Variants in RRAGD observed in about 807,000 individuals in gnomAD.
RRAGD encodes ras-related GTP-binding protein D.
In RRAGD, 12 loss-of-function variants were observed where a neutral mutation model predicts 35.5. That is an observed-to-expected ratio of 0.34 (90% CI 0.22 to 0.55). The LOEUF is 0.55. RRAGD is among the 20% of genes least tolerant of loss of function. RRAGD has a pLI of 0.91. For missense variants in RRAGD, 324 were observed against 490.1 expected (o/e 0.66, Z 3.20); for synonymous variants, 155 against 178.9 (o/e 0.87, Z 1.07).
chr6:89,374,170 T>C (rs543979741), intron 5 of RRAGD, among the ~76,000 whole-genome samples: 70 of 152,326 alleles, frequency 4.6e-4, no homozygotes, highest in Admixed American at 2.0e-3. Context: ...TTATCCTCTG[T>C]CTGCTATAAG....
chr6:89,410,852 A>T (rs1324606745), intron 1 of RRAGD, among the ~76,000 whole-genome samples: 2 of 152,214 alleles, frequency 1.3e-5, no homozygotes, highest in South Asian at 4.1e-4. Flanking sequence ...TCTCTCACAC[A>T]ATTTCTTCAG....
chr6:89,380,084 G>T, intron 3 of RRAGD, 84 bp downstream of exon 3: 1 of 1,234,766 alleles, frequency 8.1e-7, no homozygotes, highest in Non-Finnish European at 1.2e-6. Context: ...TACTGCCCAT[G>T]CCAAGCCAAT....
chr6:89,411,481 C>A lies in RRAGD; in HGVS notation c.148+365G>T. 1 of 235,736 alleles carries A rather than the reference C, an allele frequency of 4.2e-6. No homozygotes were observed. Among genetic ancestry groups the A allele is most frequent in the South Asian group, 6.8e-5 (1 of 14,728 alleles). The allele number at this position is 235,736 out of a possible 1,614,324, so 14.6% of individuals were successfully genotyped here. On this transcript the variant is annotated intron_variant, in intron 1 of 6. Coordinates refer to ENST00000369415, the MANE Select transcript of RRAGD (RefSeq NM_021244.5). This position sits in a 1 kb window ranked among gnomAD's most constrained non-coding sequence, Gnocchi z 5.6. ...CAGCACCGTTCTGGGAGAGAGGTCC[C>A]AGGGCGCGCCCGCGGTCCCCTCCCC... is the stretch of plus-strand genomic sequence containing the variant.
intron 2 of RRAGD, among the ~76,000 whole-genome samples, chr6:89,386,511 G>A (rs1468993799): frequency 6.6e-6 from 1 of 152,184 alleles, no homozygotes; most frequent in Non-Finnish European, 1.5e-5. Context: ...AAAGTGAAAG[G>A]AGAACCTACT....
intron 5 of RRAGD, 66 bp from the exon 6 acceptor site, chr6:89,372,651 CAA>C: frequency 6.8e-7 from 1 of 1,462,400 alleles, no homozygotes; most frequent in East Asian, 2.4e-5. Context: ...AAGCCAGTGA[CAA>C]GAGACCGGCT....
intron 1 of RRAGD, among the ~76,000 whole-genome samples, chr6:89,399,794 A>G (rs1374871649): frequency 7.2e-6 from 1 of 138,642 alleles, no homozygotes; most frequent in Non-Finnish European, 1.5e-5. Flanking sequence ...TGTAGAGACG[A>G]GGTCTCCCTA....
At chr6:89,373,830 T>C (rs1373546388) in intron 5 of RRAGD, among the ~76,000 whole-genome samples, 2 of 152,348 alleles carry the variant, frequency 1.3e-5, no homozygotes, top group East Asian at 3.9e-4. Flanking sequence ...AAATAATGCA[T>C]ATGTAGCACT....
chr6:89,403,394 G>C (rs571847202), intron 1 of RRAGD, among the ~76,000 whole-genome samples: 1 of 151,968 alleles, frequency 6.6e-6, no homozygotes, highest in African/African-American at 2.4e-5. Flanking sequence ...GCAGTGAGCA[G>C]AGATCGCGCC....
At position 89,374,654 on chromosome 6, in the gene RRAGD, C is replaced by T. The variant is rs535407625; in HGVS notation, c.903-2069G>A. On this transcript the variant is annotated intron_variant, in intron 5 of 6. Transcript: ENST00000369415. The stretch of plus-strand genomic sequence containing the variant: ...CTGAGGGAGGAGAATCACTTGAACC[C>T]GGGAGGCGGGGGTTGCAGTGAGCCG... Among the ~76,000 whole-genome samples the T allele has an allele frequency of 2.0e-5, 3 of 151,658 alleles. No homozygotes were observed. The South Asian group carries it at 6.2e-4, about 31-fold the overall frequency.
chr6:89,367,968 A>C lies in RRAGD; in HGVS notation c.*88T>G. On this transcript the variant is annotated 3_prime_UTR_variant, in exon 7 of 7. Coordinates refer to ENST00000369415, the MANE Select transcript of RRAGD (RefSeq NM_021244.5). The stretch of plus-strand genomic sequence containing the variant: ...CAACAAATCAATGGTATGTGTCCCA[A>C]TCTCCTTCTTCCTCTTCCTTTAGTG... The C allele has an allele frequency of 2.6e-6, 3 of 1,172,534 alleles. No homozygotes were observed. The highest frequency in any genetic ancestry group is 3.5e-6 in the Non-Finnish European group (3 of 854,188). The allele number at this position is 1,172,534 out of a possible 1,614,324, so 72.6% of individuals were successfully genotyped here.
intron 6 of RRAGD, 33 bp from the exon 7 acceptor site, chr6:89,368,240 C>G: frequency 6.3e-7 from 1 of 1,595,812 alleles, no homozygotes; most frequent in Non-Finnish European, 8.6e-7. Flanking sequence ...TTATAAATGT[C>G]ACGTAGAAAT....
chr6:89,397,605 AAAAAAAAAC>A (rs1259497886), intron 1 of RRAGD, among the ~76,000 whole-genome samples: 2 of 145,810 alleles, frequency 1.4e-5, no homozygotes, highest in African/African-American at 5.0e-5. Flanking sequence ...CTCCGTCTCA[AAAAAAAAAC>A]AAAAAAAAAC....
At position 89,411,788 on chromosome 6, in the gene RRAGD, G is replaced by A; in HGVS notation, c.148+58C>T. On this transcript the variant is annotated intron_variant, in intron 1 of 6. Transcript: ENST00000369415. This position sits in a 1 kb window ranked among gnomAD's most constrained non-coding sequence, Gnocchi z 5.6. ...TCGCGCACGGCCGGGCTGGGGGCGGGAAGGCGCCAAGGGGAGGAAAGGGGC... is the reference window on the plus strand; with the variant it reads ...TCGCGCACGGCCGGGCTGGGGGCGGAAAGGCGCCAAGGGGAGGAAAGGGGC... The A allele has an allele frequency of 1.3e-6, 2 of 1,501,438 alleles. No homozygotes were observed. The highest frequency in any genetic ancestry group is 1.8e-6 in the Non-Finnish European group (2 of 1,125,058). 93.0% of individuals were successfully genotyped at this position (1,501,438 alleles called of 1,614,324 possible). A position where few individuals can be genotyped will look rare whatever the true frequency, so the allele number is the denominator to read the frequency against.
At chr6:89,386,544 C>G (rs1582512815) in intron 2 of RRAGD, among the ~76,000 whole-genome samples, 2 of 152,140 alleles carry the variant, frequency 1.3e-5, no homozygotes, top group African/African-American at 2.4e-5. Context: ...TGTTAAACTA[C>G]TAAAAATAAT....
At chr6:89,385,781 G>A (rs1164283071) in intron 2 of RRAGD, among the ~76,000 whole-genome samples, 4 of 152,136 alleles carry the variant, frequency 2.6e-5, no homozygotes, top group Admixed American at 6.5e-5. Flanking sequence ...CATTGGCCAT[G>A]CTCCCACAGC....
At chr6:89,380,415 A>C in intron 2 of RRAGD, 48 bp from the exon 3 acceptor site, 1 of 1,518,958 alleles carries the variant, frequency 6.6e-7, no homozygotes, top group Non-Finnish European at 9.1e-7. Flanking sequence ...TTGCTTCCTG[A>C]GCCTCCCACA....
At chr6:89,381,442 A>C (rs7752993) in intron 2 of RRAGD, among the ~76,000 whole-genome samples, 1,858 of 152,184 alleles carry the variant, frequency 0.012, 30 homozygotes, top group African/African-American at 0.042. Flanking sequence ...ACCTACACAA[A>C]AGCCCTCTGT....
chr6:89,407,365 C>T (rs779662897), intron 1 of RRAGD, among the ~76,000 whole-genome samples: 5 of 152,162 alleles, frequency 3.3e-5, no homozygotes, highest in African/African-American at 4.8e-5. Flanking sequence ...AGGCCGGGCG[C>T]GGTGGCTCAT....
chr6:89,386,984 T>G (rs977298890), intron 2 of RRAGD, among the ~76,000 whole-genome samples: 4 of 152,324 alleles, frequency 2.6e-5, no homozygotes, highest in Admixed American at 6.5e-5. Flanking sequence ...GCAGAGAACC[T>G]GTGATCTTTT....
Sources: gnomAD v4.1 joint callset for allele counts (sites outside exome capture counted in the v4.1 genomes callset) on GRCh38, gnomAD v4.1.1 for gene constraint, Gnocchi (gnomAD v3.1) non-coding constraint, MANE v1.5 for transcripts, NCBI Gene and HGNC (gene_info 2026-07-23, HGNC 2026-07-21) for gene names.